DDX52: variants seen among roughly 807,000 people sequenced by gnomAD.
DDX52 encodes DExD-box helicase 52, also known as probable ATP-dependent RNA helicase DDX52.
DDX52 carries 59 observed loss-of-function variants against 76.1 expected under a neutral mutation model. That is an observed-to-expected ratio of 0.78 (90% CI 0.63 to 0.96). The LOEUF (loss-of-function observed/expected upper bound fraction) is 0.96, where lower values mean the gene tolerates loss of function less well. Ranked by LOEUF, DDX52 falls within the 40% of genes least tolerant of loss-of-function variation. The pLI, the probability that DDX52 is intolerant of heterozygous loss-of-function variation, is 0.00. For missense variants in DDX52, 707 were observed against 703.9 expected, an observed-to-expected ratio of 1.00 and a Z score of -0.05; for synonymous variants, 231 against 244.1, an observed-to-expected ratio of 0.95 and a Z score of 0.50.
chr17:37,641,143 C>A (rs1048603522), intron 2 of DDX52, among the ~76,000 whole-genome samples: 6 of 151,902 alleles, frequency 3.9e-5, no homozygotes, highest in African/African-American at 1.5e-4. Flanking sequence ...GTAATCCCAG[C>A]ACTTTAGGAG....
chr17:37,621,882 C>T (rs12453685), intron 9 of DDX52, among the ~76,000 whole-genome samples: 84,202 of 152,008 alleles, frequency 0.55, 26,496 homozygotes, highest in African/African-American at 0.85. Context: ...TTTTAATTCA[C>T]TGGGTTTTTT....
At chr17:37,636,170 C>T (rs1026165251) in intron 2 of DDX52, among the ~76,000 whole-genome samples, 1 of 152,118 alleles carries the variant, frequency 6.6e-6, no homozygotes, top group African/African-American at 2.4e-5. Context: ...GGAACCTTGA[C>T]ATATCTCAAG....
chr17:37,627,768 G>A (rs115705784), intron 6 of DDX52, among the ~76,000 whole-genome samples: 32 of 151,596 alleles, frequency 2.1e-4, no homozygotes, highest in East Asian at 3.9e-4. Flanking sequence ...GATGTAAGCC[G>A]TTCTTTTTGT....
At position 37,640,454 on chromosome 17, in the gene DDX52, G is replaced by GT. The variant is rs199533415; in HGVS notation, c.286+1655dup. Among the ~76,000 whole-genome samples, 686 of 150,894 alleles carry GT rather than the reference G, an allele frequency of 4.5e-3. 1 individual carries two copies. The highest frequency in any genetic ancestry group is 7.3e-3 in the Non-Finnish European group (494 of 67,610). The stretch of plus-strand genomic sequence containing the variant: ...TATAAACAAAGTATGAGGAGTATTT[G>GT]TTTTTTTTTGAGTCAGGCATAAATA... On this transcript the variant is annotated intron_variant, in intron 2 of 14. Coordinates refer to ENST00000617633, the MANE Select transcript of DDX52 (RefSeq NM_007010.5).
In DDX52 at chr17:37,614,235, A is replaced by G. The variant is rs1410247183; in HGVS notation, c.*61T>C. 3.9e-6 allele frequency: 6 copies of G among 1,535,544 alleles called. No individual in the cohort carries two copies. The highest frequency in any genetic ancestry group is 2.4e-5 in the South Asian group (2 of 84,398). On this transcript the variant is annotated 3_prime_UTR_variant, in exon 15 of 15. Transcript: ENST00000617633. ...GTAAGACTTCAAGTATTCCATGAAA[A>G]TAACATTCATGCTGGGATCATAAAA...
chr17:37,632,352 C>A, intron 3 of DDX52, 54 bp from the exon 4 acceptor site: 1 of 1,589,372 alleles, frequency 6.3e-7, no homozygotes, highest in South Asian at 1.1e-5. Context: ...AATACATTCT[C>A]AGATGTTATA....
At chr17:37,627,035 CTTTT>C (rs1249602424) in intron 6 of DDX52, among the ~76,000 whole-genome samples, 175 bp from the exon 7 acceptor site, 4 of 152,056 alleles carry the variant, frequency 2.6e-5, no homozygotes, top group Non-Finnish European at 4.4e-5. Flanking sequence ...CTTTCTCTTT[CTTTT>C]TGAGACAGGG....
At chr17:37,617,212 T>C (rs966855912) in intron 14 of DDX52, among the ~76,000 whole-genome samples, 3 of 152,274 alleles carry the variant, frequency 2.0e-5, no homozygotes, top group Non-Finnish European at 4.4e-5. Context: ...ACAGTTTTTT[T>C]CTAATGACTT....
chr17:37,615,495 T>C (rs1191054970), intron 14 of DDX52, among the ~76,000 whole-genome samples: 1 of 151,974 alleles, frequency 6.6e-6, no homozygotes, highest in Non-Finnish European at 1.5e-5. Context: ...CTGGGCAATA[T>C]GGCAAAACCC....
chr17:37,630,206 GA>G, intron 4 of DDX52, 33 bp from the exon 5 acceptor site: 2 of 1,528,310 alleles, frequency 1.3e-6, no homozygotes, highest in South Asian at 2.7e-5. Flanking sequence ...ATACTACAAA[GA>G]AAGTACATAA....
intron 9 of DDX52, 43 bp from the exon 10 acceptor site, chr17:37,621,563 T>C (rs1332389993): frequency 2.5e-6 from 4 of 1,574,484 alleles, no homozygotes; most frequent in Middle Eastern, 2.0e-4. Flanking sequence ...CAATCAAGAA[T>C]ACAATTGGTC....
chr17:37,628,708 C>T, intron 5 of DDX52, 36 bp from the exon 6 acceptor site: 1 of 1,438,772 alleles, frequency 7.0e-7, no homozygotes. Flanking sequence ...TAGCTGCTAA[C>T]ATACTTGGAC....
intron 14 of DDX52, among the ~76,000 whole-genome samples, chr17:37,615,936 C>A (rs986079865): frequency 2.6e-5 from 4 of 152,062 alleles, no homozygotes. Flanking sequence ...ATCACTTGAA[C>A]CCGGGAGGTG....
chr17:37,635,387 T>C (rs1007151398), intron 2 of DDX52, among the ~76,000 whole-genome samples: 4 of 152,222 alleles, frequency 2.6e-5, no homozygotes, highest in Non-Finnish European at 5.9e-5. Flanking sequence ...ACTCCATGCA[T>C]AGGCAACCAC....
chr17:37,625,860 A>C, intron 8 of DDX52, 35 bp downstream of exon 8: 1 of 1,610,764 alleles, frequency 6.2e-7, no homozygotes, highest in Non-Finnish European at 8.5e-7. Context: ...TTAAAAAAAA[A>C]ATCAGTGTGA....
In DDX52 at chr17:37,625,975, G is replaced by C. The variant is rs199835531; in HGVS notation, c.1056C>G (p.Phe352Leu). 6.2e-6 allele frequency: 10 copies of C among 1,614,176 alleles called. No homozygotes were observed. Among genetic ancestry groups the C allele is most frequent in the Non-Finnish European group, 8.5e-6 (10 of 1,180,034 alleles). Reference protein sequence around the residue: ...CTSHKVRRAMFSATFAYDVEQ... With the variant: ...CTSHKVRRAMLSATFAYDVEQ... Reference sequence around the variant, plus strand: ...CAACATCATATGCAAAAGTTGCACTGAACATAGCTCTTCGGACCTTGTGGG... The same window carrying C: ...CAACATCATATGCAAAAGTTGCACTCAACATAGCTCTTCGGACCTTGTGGG... Residue 352 changes from phenylalanine (F) to leucine (L), a missense_variant, in exon 8 of 15, where the codon TTC (phenylalanine) becomes TTG (leucine). Transcript: ENST00000617633.
chr17:37,642,169 T>C lies in DDX52; in HGVS notation c.227A>G (p.Glu76Gly). 1.2e-6 allele frequency: 2 copies of C among 1,614,146 alleles called. No individual in the cohort carries two copies. Among genetic ancestry groups the C allele is most frequent in the Admixed American group, 3.3e-5 (2 of 60,026 alleles). ...QKPQNGEKKE[E>G]SLTERKREQS... is the part of the protein sequence containing the mutation. ...CTCCCTCTTCCTTTCAGTTAGGCTC[T>C]CTTCTTTTTTCTCTCCATTTTGGGG... is the stretch of plus-strand genomic sequence containing the variant. Residue 76 changes from glutamate to glycine, a missense_variant, in exon 2 of 15, where the codon GAG becomes GGG. Transcript: ENST00000617633.
Position 37,633,272 on chromosome 17 carries a change from A to G in DDX52, c.417+16T>C. ...AGAAAATATATATACTTTTGGCCCC[A>G]AAATATTTTTCTAACCTTTTCTTTT... On this transcript the variant is annotated intron_variant, in intron 3 of 14. Transcript: ENST00000617633. The G allele has an allele frequency of 6.3e-7, 1 of 1,594,518 alleles. No homozygotes were observed.
In DDX52 at chr17:37,626,115, C is replaced by A; in HGVS notation, c.933-17G>T. 5 of 1,613,650 alleles carry A rather than the reference C, an allele frequency of 3.1e-6. No homozygotes were observed. The highest frequency in any genetic ancestry group is 1.3e-5 in the African/African-American group (1 of 75,002). Reference sequence around the variant, plus strand: ...CACTCAACACTAAGAAATAACAAAACAACTTGTGGATACTGAACTGAAAGA... The same window carrying A: ...CACTCAACACTAAGAAATAACAAAAAAACTTGTGGATACTGAACTGAAAGA... On this transcript the variant is annotated splice_polypyrimidine_tract_variant and intron_variant, in intron 7 of 14. Transcript: ENST00000617633.
Sources: allele counts gnomAD v4.1 joint callset (sites outside exome capture counted in the v4.1 genomes callset), GRCh38; gene constraint gnomAD v4.1.1; transcripts MANE v1.5; gene names NCBI Gene and HGNC (gene_info 2026-07-23, HGNC 2026-07-21).